CUBN: variants seen among roughly 807,000 people sequenced by gnomAD.
The protein encoded by CUBN is cubilin.
A neutral mutation model predicts 405.3 loss-of-function variants in CUBN; 282 were observed. The ratio of observed to expected loss-of-function variants is 0.70; its 90% CI spans 0.63 to 0.77. The LOEUF (loss-of-function observed/expected upper bound fraction) is 0.77, where lower values mean the gene tolerates loss of function less well. Ranked by LOEUF, CUBN falls within the 30% of genes least tolerant of loss-of-function variation. The probability of loss-of-function intolerance (pLI) is 0.00; values close to 1 mark genes in which losing one functional copy is unlikely to be tolerated. For synonymous variants in CUBN, 1,684 were observed against 1,617.0 expected (o/e 1.04, Z -0.99); for missense variants, 4,514 against 4,475.2 (o/e 1.01, Z -0.25).
chr10:17,050,765 C>T (rs192377330), intron 22 of CUBN, among the ~76,000 whole-genome samples: 14 of 152,196 alleles, frequency 9.2e-5, no homozygotes, highest in African/African-American at 2.4e-4. Context: ...CTAGAACTTC[C>T]GGGCCAAAGG....
At chr10:17,033,678 A>G (rs772578584) in intron 27 of CUBN, among the ~76,000 whole-genome samples, 1 of 152,196 alleles carries the variant, frequency 6.6e-6, no homozygotes, top group Non-Finnish European at 1.5e-5. Context: ...TGGCAGAGAC[A>G]GTTATGTGGC....
intron 22 of CUBN, among the ~76,000 whole-genome samples, chr10:17,064,636 C>T (rs1024190675): frequency 6.6e-6 from 1 of 152,074 alleles, no homozygotes; most frequent in African/African-American, 2.4e-5. Flanking sequence ...CTCAGAGTCT[C>T]TAAAAAACAA....
chr10:16,903,808 C>T (rs1841475472), intron 51 of CUBN, among the ~76,000 whole-genome samples, 158 bp downstream of exon 51: 1 of 150,008 alleles, frequency 6.7e-6, no homozygotes, highest in Non-Finnish European at 1.5e-5. Context: ...TCAGCCACAA[C>T]CAATTAAAAA....
At chr10:17,122,474 T>A (rs530773956) in intron 6 of CUBN, 11 of 412,850 alleles carry the variant, frequency 2.7e-5, no homozygotes, top group Non-Finnish European at 4.3e-5. Flanking sequence ...TCCCCTTCAA[T>A]GCTCCGGCTC....
chr10:17,005,585 A>C (rs1307411190), intron 28 of CUBN, among the ~76,000 whole-genome samples: 7 of 152,156 alleles, frequency 4.6e-5, no homozygotes, highest in Non-Finnish European at 1.0e-4. Flanking sequence ...ATTCTTGCCC[A>C]TTCTTTAAAA....
Position 17,065,563 on chromosome 10 carries a change from G to A in CUBN, c.3084C>T (p.Ser1028=), listed in dbSNP as rs775668389. Residue 1028 remains serine, a synonymous_variant, in exon 22 of 67, where the codon TCC becomes TCT. Transcript: ENST00000377833. ...NSLMLVFVTD[S]DLAYEGFLIN... The stretch of plus-strand genomic sequence containing the variant: ...TTAAGAAGCCTTCATAAGCGAGGTC[G>A]GAGTCAGTCACAAACACCAGCATCA... 5.7e-5 allele frequency: 92 copies of A among 1,613,510 alleles called. No homozygotes were observed. The highest frequency in any genetic ancestry group is 2.2e-4 in the Admixed American group (13 of 59,968).
chr10:17,050,878 AAGTACAGATATAAACCTATGC>A (rs1158966376), intron 22 of CUBN, among the ~76,000 whole-genome samples: 1 of 152,152 alleles, frequency 6.6e-6, no homozygotes, highest in Non-Finnish European at 1.5e-5. Context: ...ATTCTTTAGC[AAGTACAGATATAAACCTATGC>A]AGATACAAAG....
intron 28 of CUBN, among the ~76,000 whole-genome samples, chr10:17,018,891 T>C (rs1834418972): frequency 6.6e-6 from 1 of 151,534 alleles, no homozygotes; most frequent in Non-Finnish European, 1.5e-5. Context: ...AGAGCGCTGA[T>C]TGGTGCATTT....
chr10:16,862,912 C>T (rs1840060000), intron 59 of CUBN, among the ~76,000 whole-genome samples: 1 of 152,192 alleles, frequency 6.6e-6, no homozygotes, highest in Non-Finnish European at 1.5e-5. Flanking sequence ...TCAATTTTAT[C>T]ACTTAGTTTG....
At chr10:16,965,153 C>G (rs534540968) in intron 31 of CUBN, among the ~76,000 whole-genome samples, 21 of 152,148 alleles carry the variant, frequency 1.4e-4, no homozygotes, top group Non-Finnish European at 2.9e-4. Flanking sequence ...CATCCATGTC[C>G]CTCTCTGGTG....
rs530326996 is a variant in CUBN at position 16,947,681 on chromosome 10, A to G, written c.5210-314T>C. Among the ~76,000 whole-genome samples, 3 of 152,342 alleles carry G rather than the reference A, an allele frequency of 2.0e-5. No individual in the cohort carries two copies. In the South Asian group the frequency reaches 6.2e-4, roughly 32 times the overall value. Reference sequence around the variant, plus strand: ...CTACAGCCACTTGGCTTTTGTGACCAGGATTCTATTCAACCCTGGCCTAGA... The same window carrying G: ...CTACAGCCACTTGGCTTTTGTGACCGGGATTCTATTCAACCCTGGCCTAGA... On this transcript the variant is annotated intron_variant, in intron 35 of 66. Coordinates refer to ENST00000377833, the MANE Select transcript of CUBN (RefSeq NM_001081.4).
chr10:17,057,355 T>C (rs537621673), intron 22 of CUBN, among the ~76,000 whole-genome samples: 47 of 152,234 alleles, frequency 3.1e-4, no homozygotes, highest in African/African-American at 9.9e-4. Flanking sequence ...CTGGGTGTTG[T>C]CATGGCAATG....
At chr10:17,097,129 A>G (rs1836393158) in intron 14 of CUBN, among the ~76,000 whole-genome samples, 1 of 152,122 alleles carries the variant, frequency 6.6e-6, no homozygotes, top group Non-Finnish European at 1.5e-5. Flanking sequence ...ATAAAAATCA[A>G]CAGAAAACAT....
At chr10:16,879,236 G>C (rs1414296652) in intron 56 of CUBN, among the ~76,000 whole-genome samples, 1 of 152,188 alleles carries the variant, frequency 6.6e-6, no homozygotes, top group East Asian at 1.9e-4. Context: ...GACATTGTCA[G>C]TCTTTTTAAT....
intron 31 of CUBN, among the ~76,000 whole-genome samples, chr10:16,978,788 A>T (rs1833174449): frequency 6.6e-6 from 1 of 152,224 alleles, no homozygotes; most frequent in South Asian, 2.1e-4. Flanking sequence ...GGAACAAGAC[A>T]AGGGTGCCCT....
intron 17 of CUBN, among the ~76,000 whole-genome samples, chr10:17,082,221 G>A (rs1321140617): frequency 6.6e-6 from 1 of 152,044 alleles, no homozygotes; most frequent in East Asian, 1.9e-4. Flanking sequence ...AAATAGATAG[G>A]ACATCTTACT....
At chr10:16,933,374 T>C (rs1842416338) in intron 39 of CUBN, 90 bp from the exon 40 acceptor site, 2 of 1,136,826 alleles carry the variant, frequency 1.8e-6, no homozygotes, top group Non-Finnish European at 2.6e-6. Flanking sequence ...AGCCCTCTAC[T>C]GAAAAGAAGC....
In CUBN at chr10:17,100,000, C is replaced by T. The variant is rs1836460553; in HGVS notation, c.1765+5G>A. 1 of 1,600,948 alleles carries T rather than the reference C, an allele frequency of 6.2e-7. No homozygotes were observed. The highest frequency in any genetic ancestry group is 8.6e-7 in the Non-Finnish European group (1 of 1,168,202). On this transcript the variant is annotated splice_donor_5th_base_variant and intron_variant, in intron 14 of 66. Coordinates refer to ENST00000377833, the MANE Select transcript of CUBN (RefSeq NM_001081.4). ...GCTTGCTTTTTTCTCCAGGTTCACA[C>T]ATACCTGGTTGCTGTGTTTCCCATC...
At chr10:17,005,289 G>A (rs774216012) in intron 28 of CUBN, among the ~76,000 whole-genome samples, 14 of 151,912 alleles carry the variant, frequency 9.2e-5, no homozygotes, top group South Asian at 2.1e-4. Context: ...GAGATTGTTC[G>A]GACATTTTTT....
Sources: allele counts gnomAD v4.1 joint callset (sites outside exome capture counted in the v4.1 genomes callset), GRCh38; gene constraint gnomAD v4.1.1; transcripts MANE v1.5; gene names NCBI Gene and HGNC (gene_info 2026-07-23, HGNC 2026-07-21).